Variants in COL4A5 observed in about 807,000 individuals in gnomAD.
COL4A5 encodes the protein collagen type IV alpha 5 chain.
COL4A5 carries 26 observed loss-of-function variants against 130.2 expected under a neutral mutation model. That is an observed-to-expected ratio of 0.20 (90% CI 0.15 to 0.28). The LOEUF is 0.28. Ranked by LOEUF, COL4A5 falls within the 10% of genes least tolerant of loss-of-function variation. The probability of loss-of-function intolerance (pLI) is 1.00; values close to 1 mark genes in which losing one functional copy is unlikely to be tolerated. For synonymous variants in COL4A5, 496 were observed against 439.6 expected (o/e 1.13, Z -1.60); for missense variants, 1,131 against 1,344.3 (o/e 0.84, Z 2.48).
chrX:108,472,302 TG>T (rs2064780813), intron 1 of COL4A5, among the ~76,000 whole-genome samples: 1 of 111,818 alleles, frequency 8.9e-6, no homozygotes, highest in Admixed American at 9.5e-5. Context: ...TTGGGAGGAA[TG>T]TGTATTTTAC....
chrX:108,575,752 G>T (rs1466114872), intron 9 of COL4A5, among the ~76,000 whole-genome samples, 158 bp from the exon 10 acceptor site: 2 of 112,142 alleles, frequency 1.8e-5, no homozygotes, highest in African/African-American at 6.5e-5. Context: ...CAGGAGAATT[G>T]CTTGAACCCA....
At chrX:108,457,764 C>A (rs1415764995) in intron 1 of COL4A5, among the ~76,000 whole-genome samples, 1 of 111,797 alleles carries the variant, frequency 8.9e-6, no homozygotes, top group Non-Finnish European at 1.9e-5. Context: ...CTGGCAATCA[C>A]TCATCTATTT....
At chrX:108,668,748 A>G (rs924492985) in intron 41 of COL4A5, among the ~76,000 whole-genome samples, 2 of 112,240 alleles carry the variant, frequency 1.8e-5, no homozygotes, top group African/African-American at 6.5e-5. Flanking sequence ...TATATAGAGG[A>G]AGTAAAACAA....
intron 1 of COL4A5, among the ~76,000 whole-genome samples, chrX:108,525,603 T>G (rs140664747): frequency 1.1e-3 from 124 of 111,852 alleles, no homozygotes; most frequent in African/African-American, 3.5e-3. Flanking sequence ...TTTTATTAAG[T>G]GAATATTTTC....
At chrX:108,632,009 A>G (rs944731339) in intron 36 of COL4A5, among the ~76,000 whole-genome samples, 4 of 111,523 alleles carry the variant, frequency 3.6e-5, no homozygotes, top group African/African-American at 9.8e-5. Context: ...GAGACACAAA[A>G]AACCCTTCAA....
chrX:108,456,589 G>A (rs1324347936), intron 1 of COL4A5, among the ~76,000 whole-genome samples: 7 of 111,284 alleles, frequency 6.3e-5, no homozygotes, highest in Admixed American at 1.9e-4. Flanking sequence ...AGGACCTCCA[G>A]TACAAATATA....
At chrX:108,553,312 G>GA (rs2147706508) in intron 2 of COL4A5, among the ~76,000 whole-genome samples, 1 of 111,402 alleles carries the variant, frequency 9.0e-6, no homozygotes, top group South Asian at 3.7e-4. Context: ...CACAGTGCAG[G>GA]AAAAATAATA....
chrX:108,660,990 C>A (rs1327917585), intron 37 of COL4A5, among the ~76,000 whole-genome samples: 3 of 111,815 alleles, frequency 2.7e-5, no homozygotes, highest in African/African-American at 9.7e-5. Flanking sequence ...TTTAGTTATA[C>A]AAATACTTAC....
intron 36 of COL4A5, among the ~76,000 whole-genome samples, chrX:108,643,351 A>G (rs766293502): frequency 2.9e-3 from 330 of 111,966 alleles, no homozygotes; most frequent in African/African-American, 0.01. Flanking sequence ...TCCAAATACA[A>G]GAAGCACAAA....
At chrX:108,673,332 C>T (rs1001883734) in intron 42 of COL4A5, among the ~76,000 whole-genome samples, 8 of 111,752 alleles carry the variant, frequency 7.2e-5, no homozygotes, top group Non-Finnish European at 5.6e-5. Flanking sequence ...CCTAGGTCTT[C>T]CAACTCCTAG....
chrX:108,473,883 C>G (rs112500986), intron 1 of COL4A5, among the ~76,000 whole-genome samples: 11,101 of 107,418 alleles, frequency 0.1, 1,287 homozygotes, highest in African/African-American at 0.33. Flanking sequence ...CTGCCTGCCT[C>G]TGCCTCCCAA....
At chrX:108,613,506 A>G (rs1388009987) in intron 29 of COL4A5, among the ~76,000 whole-genome samples, 2 of 112,212 alleles carry the variant, frequency 1.8e-5, no homozygotes, top group Non-Finnish European at 3.8e-5. Flanking sequence ...AATTAACTGT[A>G]TTTTCATATC....
chrX:108,659,254 G>C (rs2067905061), intron 37 of COL4A5, among the ~76,000 whole-genome samples: 1 of 111,221 alleles, frequency 9.0e-6, no homozygotes, highest in African/African-American at 3.2e-5. Flanking sequence ...ATTGTGGCCA[G>C]AATACATATT....
In COL4A5 at chrX:108,488,913, A is replaced by C. The variant is rs746496953; in HGVS notation, c.81+48707A>C. The stretch of plus-strand genomic sequence containing the variant: ...TTCGGTAGCATTTTATAATTCACTC[A>C]TTATACAACTAACATATTATAGTTG... On this transcript the variant is annotated intron_variant, in intron 1 of 52. Coordinates refer to ENST00000328300, the MANE Select transcript of COL4A5 (RefSeq NM_033380.3). Among the ~76,000 whole-genome samples the C allele has an allele frequency of 1.2e-3, 129 of 111,883 alleles. 1 individual carries two copies. The East Asian group carries it at 0.017, about 15-fold the overall frequency.
At chrX:108,487,487 A>G (rs985535094) in intron 1 of COL4A5, among the ~76,000 whole-genome samples, 1 of 109,188 alleles carries the variant, frequency 9.2e-6, no homozygotes, top group Non-Finnish European at 1.9e-5. Flanking sequence ...AATTATGGCC[A>G]TTCTTGGGGA....
At chrX:108,529,435 A>G (rs58746339) in intron 1 of COL4A5, among the ~76,000 whole-genome samples, 2 of 110,975 alleles carry the variant, frequency 1.8e-5, no homozygotes, top group Admixed American at 9.5e-5. Context: ...AAGCGGTAAC[A>G]CTATAGCAAT....
chrX:108,535,689 T>C (rs1370162035), intron 1 of COL4A5, among the ~76,000 whole-genome samples: 1 of 111,511 alleles, frequency 9.0e-6, no homozygotes, highest in Non-Finnish European at 1.9e-5. Flanking sequence ...AAAGAAATTA[T>C]AAAACAAAAC....
At chrX:108,597,915 G>T (rs182208214) in intron 24 of COL4A5, among the ~76,000 whole-genome samples, 234 of 111,323 alleles carry the variant, frequency 2.1e-3, no homozygotes, top group Non-Finnish European at 3.6e-3. Context: ...TCATGACTGG[G>T]CATGGTGGCT....
At chrX:108,451,152 T>C (rs1418951776) in intron 1 of COL4A5, among the ~76,000 whole-genome samples, 1 of 111,375 alleles carries the variant, frequency 9.0e-6, no homozygotes, top group Non-Finnish European at 1.9e-5. Context: ...ATTTCATCCA[T>C]GTCCCTACAA....
Sources: gnomAD v4.1 joint callset for allele counts (sites outside exome capture counted in the v4.1 genomes callset) on GRCh38, gnomAD v4.1.1 for gene constraint, MANE v1.5 for transcripts, NCBI Gene and HGNC (gene_info 2026-07-23, HGNC 2026-07-21) for gene names.